Variants in NCK2 observed in about 807,000 individuals in gnomAD.
NCK2 encodes the protein cytoplasmic protein NCK2.
NCK2 carries 16 observed loss-of-function variants against 33.9 expected under a neutral mutation model. That is an observed-to-expected ratio of 0.47 (90% CI 0.32 to 0.72). The LOEUF is 0.72. NCK2 is among the 30% of genes least tolerant of loss of function. The pLI, the probability that NCK2 is intolerant of heterozygous loss-of-function variation, is 0.03. For missense variants in NCK2, 418 were observed against 537.3 expected, an observed-to-expected ratio of 0.78 and a Z score of 2.19; for synonymous variants, 273 against 239.9, an observed-to-expected ratio of 1.14 and a Z score of -1.27.
chr2:105,765,953 A>C (rs1405527906), intron 1 of NCK2, among the ~76,000 whole-genome samples: 2 of 151,596 alleles, frequency 1.3e-5, no homozygotes, highest in East Asian at 3.9e-4. Flanking sequence ...AAGCTGCTGA[A>C]TTTGCAGTGA....
intron 1 of NCK2, among the ~76,000 whole-genome samples, chr2:105,795,958 T>C (rs1049596930): frequency 3.9e-5 from 6 of 152,240 alleles, no homozygotes; most frequent in African/African-American, 1.2e-4. Flanking sequence ...ATCAACGATA[T>C]ATTCTTTATT....
intron 3 of NCK2, among the ~76,000 whole-genome samples, chr2:105,869,649 C>T (rs1209654417): frequency 6.6e-6 from 1 of 152,198 alleles, no homozygotes; most frequent in Non-Finnish European, 1.5e-5. Context: ...TGCAGAACAG[C>T]AGGCGTGCTG....
chr2:105,772,387 A>G (rs1054838154), intron 1 of NCK2, among the ~76,000 whole-genome samples: 1 of 152,072 alleles, frequency 6.6e-6, no homozygotes, highest in Admixed American at 6.5e-5. Flanking sequence ...GAAAAAGGAA[A>G]ATGTTCCTTT....
intron 3 of NCK2, among the ~76,000 whole-genome samples, chr2:105,871,168 C>G (rs1255121520): frequency 6.6e-6 from 1 of 152,008 alleles, no homozygotes; most frequent in African/African-American, 2.4e-5. Context: ...ATGCCTGCTC[C>G]ATGCCCAGAT....
chr2:105,820,702 G>T (rs1431652640), intron 2 of NCK2, among the ~76,000 whole-genome samples: 1 of 152,204 alleles, frequency 6.6e-6, no homozygotes, highest in African/African-American at 2.4e-5. Context: ...GTAATTGATT[G>T]TTGGAGGCTG....
intron 1 of NCK2, among the ~76,000 whole-genome samples, chr2:105,794,453 A>G (rs1292950145): frequency 6.6e-6 from 1 of 152,014 alleles, no homozygotes; most frequent in Non-Finnish European, 1.5e-5. Flanking sequence ...TTTATATACA[A>G]TATATATAAA....
chr2:105,816,775 T>C (rs577993437), intron 2 of NCK2, among the ~76,000 whole-genome samples, 162 bp downstream of exon 2: 1 of 152,308 alleles, frequency 6.6e-6, no homozygotes, highest in South Asian at 2.1e-4. Context: ...ATTATCTCTG[T>C]TCCTGCTTTA....
At position 105,882,164 on chromosome 2, in the gene NCK2, G is replaced by C. The variant is rs60258894; in HGVS notation, c.948+115G>C. 8.6e-6 allele frequency: 10 copies of C among 1,164,100 alleles called. No individual in the cohort carries two copies. The East Asian group carries it at 2.7e-4, about 32-fold the overall frequency. The allele number at this position is 1,164,100 out of a possible 1,614,324, so 72.1% of individuals were successfully genotyped here. ...GAGTACACTAGAAAGAGCGGGAGAC[G>C]CAGATGAATGCAATTTAGTATAATG... On this transcript the variant is annotated intron_variant, in intron 4 of 4. Transcript: ENST00000233154.
At chr2:105,765,457 T>A (rs1210162414) in intron 1 of NCK2, among the ~76,000 whole-genome samples, 1 of 152,210 alleles carries the variant, frequency 6.6e-6, no homozygotes, top group Non-Finnish European at 1.5e-5. Flanking sequence ...TGGCTTTTCC[T>A]TTCGAGCTGG....
In NCK2 at chr2:105,816,494, G is replaced by A. The variant is rs1474271475; in HGVS notation, c.-136G>A. On this transcript the variant is annotated 5_prime_UTR_variant, in exon 2 of 5. Transcript: ENST00000233154. ...ATAATTCTCTGCTGAGATTTGAGTT[G>A]GATTTGAGGATTTGGAGAATCCCTG... 1 of 152,110 alleles carries A rather than the reference G, an allele frequency of 6.6e-6. No homozygotes were observed. Among genetic ancestry groups the A allele is most frequent in the Non-Finnish European group, 1.5e-5 (1 of 68,024 alleles). 9.4% of individuals were successfully genotyped at this position (152,110 alleles called of 1,614,324 possible). A position where few individuals can be genotyped will look rare whatever the true frequency, so the allele number is the denominator to read the frequency against.
intron 3 of NCK2, among the ~76,000 whole-genome samples, chr2:105,872,676 T>C (rs1350181959): frequency 3.3e-5 from 5 of 152,154 alleles, no homozygotes; most frequent in African/African-American, 4.8e-5. Flanking sequence ...AAGAAAGAGG[T>C]ACAGCCAGAG....
chr2:105,853,289 ATTTAT>A (rs1677134675), intron 2 of NCK2, among the ~76,000 whole-genome samples: 1 of 152,132 alleles, frequency 6.6e-6, no homozygotes, highest in Non-Finnish European at 1.5e-5. Context: ...ATAGTTGATT[ATTTAT>A]TTTATTTATT....
intron 2 of NCK2, 60 bp from the exon 3 acceptor site, chr2:105,854,988 G>A: frequency 7.6e-7 from 1 of 1,321,804 alleles, no homozygotes; most frequent in Admixed American, 1.8e-5. Context: ...TCAAGTTGGT[G>A]CAAAGGATGA....
chr2:105,769,416 C>G (rs534922175), intron 1 of NCK2, among the ~76,000 whole-genome samples: 2 of 152,246 alleles, frequency 1.3e-5, no homozygotes, highest in African/African-American at 4.8e-5. Flanking sequence ...GTAACTCCCC[C>G]GTTCTTGCTT....
intron 2 of NCK2, among the ~76,000 whole-genome samples, chr2:105,819,184 C>T (rs1675628381): frequency 6.6e-6 from 1 of 152,090 alleles, no homozygotes; most frequent in Non-Finnish European, 1.5e-5. Context: ...CTTTGGGTCC[C>T]CTCATGCATT....
intron 1 of NCK2, among the ~76,000 whole-genome samples, chr2:105,755,507 CGGTTG>C: frequency 1.3e-5 from 2 of 152,166 alleles, no homozygotes; most frequent in Non-Finnish European, 2.9e-5. Flanking sequence ...TGAGTGCCTC[CGGTTG>C]GTGAGGGTTC....
intron 2 of NCK2, among the ~76,000 whole-genome samples, chr2:105,836,015 ATTG>A (rs1676420320): frequency 2.7e-5 from 4 of 148,810 alleles, no homozygotes; most frequent in Admixed American, 2.0e-4. Context: ...ATTCTCATGA[ATTG>A]TTTTTCTGAT....
chr2:105,884,059 G>T (rs1678618942), intron 4 of NCK2, among the ~76,000 whole-genome samples: 1 of 152,260 alleles, frequency 6.6e-6, no homozygotes, highest in East Asian at 1.9e-4. Flanking sequence ...TGCATGCCTT[G>T]TTCCATGGGG....
intron 1 of NCK2, among the ~76,000 whole-genome samples, chr2:105,792,906 C>T (rs555874656): frequency 6.6e-6 from 1 of 152,262 alleles, no homozygotes; most frequent in South Asian, 2.1e-4. Context: ...CACTTGCTAG[C>T]CAGGTGAGGA....
Sources: gnomAD v4.1 joint callset for allele counts (sites outside exome capture counted in the v4.1 genomes callset) on GRCh38, gnomAD v4.1.1 for gene constraint, MANE v1.5 for transcripts, NCBI Gene and HGNC (gene_info 2026-07-23, HGNC 2026-07-21) for gene names.